The following RGS6 variants were observed in gnomAD, a reference collection of about 807,000 sequenced individuals.
The protein encoded by RGS6 is regulator of G-protein signaling 6.
RGS6 carries 30 observed loss-of-function variants against 78.5 expected under a neutral mutation model. The observed-to-expected ratio is 0.38, with a 90% CI of 0.29 to 0.52. The LOEUF is 0.52. Ranked by LOEUF, RGS6 falls within the 20% of genes least tolerant of loss-of-function variation. The pLI, the probability that RGS6 is intolerant of heterozygous loss-of-function variation, is 0.85. For missense variants in RGS6, 495 were observed against 609.7 expected, an observed-to-expected ratio of 0.81 and a Z score of 1.98; for synonymous variants, 206 against 206.0, an observed-to-expected ratio of 1.00 and a Z score of 0.00.
At chr14:72,173,123 A>T (rs1321799770) in intron 2 of RGS6, among the ~76,000 whole-genome samples, 2 of 152,136 alleles carry the variant, frequency 1.3e-5, no homozygotes, top group Non-Finnish European at 2.9e-5. Flanking sequence ...TGCCTGGAAC[A>T]TACTGGCAGA....
intron 3 of RGS6, among the ~76,000 whole-genome samples, chr14:72,402,790 G>GTTTTTTTTTTTTTTTTTTTTTTTTGT (rs2092571263): frequency 1.3e-5 from 1 of 75,792 alleles, no homozygotes; most frequent in Non-Finnish European, 2.3e-5. Context: ...TGTTTTTTTG[G>GTTTTTTTTTTTTTTTTTTTTTTTTGT]TTTTTTTTTT....
intron 2 of RGS6, among the ~76,000 whole-genome samples, chr14:72,233,662 G>C (rs2050244052): frequency 6.6e-6 from 1 of 152,168 alleles, no homozygotes; most frequent in Non-Finnish European, 1.5e-5. Context: ...TGGCAGGGCT[G>C]GTTCTATACA....
At chr14:72,092,241 G>A (rs916324138) in intron 2 of RGS6, among the ~76,000 whole-genome samples, 1 of 151,912 alleles carries the variant, frequency 6.6e-6, no homozygotes, top group Non-Finnish European at 1.5e-5. Context: ...GGCCAGTCTG[G>A]TCTCAACTCC....
intron 1 of RGS6, among the ~76,000 whole-genome samples, chr14:71,964,272 T>G (rs545895037): frequency 6.6e-6 from 1 of 152,218 alleles, no homozygotes. Context: ...TTTGGGAGGC[T>G]GAGGCTGGTG....
chr14:71,905,954 C>T, the RGS6 span, among the ~76,000 whole-genome samples: 23 of 152,114 alleles, frequency 1.5e-4, no homozygotes, highest in Admixed American at 1.2e-3. Flanking sequence ...TTGTGATACA[C>T]GAGGCCGAAG....
chr14:72,401,813 A>G (rs575851685), intron 3 of RGS6, among the ~76,000 whole-genome samples: 2 of 152,348 alleles, frequency 1.3e-5, no homozygotes, highest in South Asian at 2.1e-4. Context: ...AGTCTTGCCA[A>G]ACATCCTGAG....
In RGS6 at chr14:72,384,755, A is replaced by AT. The variant is rs754173630; in HGVS notation, c.184+32567dup. Among the ~76,000 whole-genome samples the AT allele has an allele frequency of 2.6e-5, 4 of 151,684 alleles. No individual in the cohort carries two copies. In the East Asian group the frequency reaches 5.8e-4, roughly 22 times the overall value. ...CGGTTTGCATATTTTTTTTATTTTTATTTTTTATTTTTTGAGACAGAGTCT... is the reference window on the plus strand; with the variant it reads ...CGGTTTGCATATTTTTTTTATTTTTATTTTTTTATTTTTTGAGACAGAGTCT... On this transcript the variant is annotated intron_variant, in intron 3 of 17. Transcript: ENST00000553525.
At chr14:72,022,700 G>A (rs1003342892) in intron 2 of RGS6, among the ~76,000 whole-genome samples, 6 of 34,382 alleles carry the variant, frequency 1.7e-4, no homozygotes, top group East Asian at 1.1e-3. Flanking sequence ...ACCCTGGTTC[G>A]CTCTTTCACT....
chr14:72,080,532 A>G (rs2094774908), intron 2 of RGS6, among the ~76,000 whole-genome samples: 1 of 152,046 alleles, frequency 6.6e-6, no homozygotes, highest in Admixed American at 6.6e-5. Context: ...ATGTAATCCC[A>G]CTTATCTATT....
At chr14:71,882,474 T>A in the RGS6 span, among the ~76,000 whole-genome samples, 1 of 152,186 alleles carries the variant, frequency 6.6e-6, no homozygotes, top group Non-Finnish European at 1.5e-5. Context: ...TTAAAATATG[T>A]GGTTCGTTAA....
At chr14:72,074,119 T>C (rs1189191762) in intron 2 of RGS6, among the ~76,000 whole-genome samples, 1 of 152,244 alleles carries the variant, frequency 6.6e-6, no homozygotes, top group African/African-American at 2.4e-5. Context: ...GAGGAATGAC[T>C]GACAGCTTGC....
chr14:72,333,401 C>T (rs968040862), intron 2 of RGS6, among the ~76,000 whole-genome samples: 1 of 152,144 alleles, frequency 6.6e-6, no homozygotes, highest in Non-Finnish European at 1.5e-5. Context: ...GGGGGACCTG[C>T]GTTGGTATCT....
chr14:72,061,037 G>A (rs757726186), intron 2 of RGS6, among the ~76,000 whole-genome samples: 11 of 152,184 alleles, frequency 7.2e-5, no homozygotes, highest in Non-Finnish European at 1.5e-4. Flanking sequence ...TATTCTGGCA[G>A]CATTGTAGGA....
the RGS6 span, among the ~76,000 whole-genome samples, chr14:72,615,191 G>C: frequency 6.6e-6 from 1 of 152,164 alleles, no homozygotes; most frequent in African/African-American, 2.4e-5. Context: ...ACCAGCCTGG[G>C]GGGCAGGGAT....
At chr14:72,302,590 C>G (rs897364639) in intron 2 of RGS6, among the ~76,000 whole-genome samples, 5 of 152,056 alleles carry the variant, frequency 3.3e-5, no homozygotes. Context: ...ATTTCAGAAC[C>G]TGCATCATTA....
At chr14:72,075,076 T>G (rs1416599459) in intron 2 of RGS6, among the ~76,000 whole-genome samples, 1 of 152,254 alleles carries the variant, frequency 6.6e-6, no homozygotes, top group Non-Finnish European at 1.5e-5. Flanking sequence ...TCTCTAAGCC[T>G]TTGCCTCCAT....
chr14:72,093,257 A>G (rs567145016), intron 2 of RGS6, among the ~76,000 whole-genome samples: 26 of 152,152 alleles, frequency 1.7e-4, no homozygotes, highest in African/African-American at 5.8e-4. Flanking sequence ...ATTTTATTTT[A>G]TCGAGACAGG....
intron 2 of RGS6, among the ~76,000 whole-genome samples, chr14:72,019,075 A>G (rs1429143515): frequency 6.6e-6 from 1 of 152,180 alleles, no homozygotes; most frequent in African/African-American, 2.4e-5. Context: ...CCTAACCATG[A>G]GCCAGGCAGC....
chr14:72,466,067 G>A (rs1416358856), intron 7 of RGS6, among the ~76,000 whole-genome samples: 1 of 152,032 alleles, frequency 6.6e-6, no homozygotes, highest in African/African-American at 2.4e-5. Context: ...CTTAAAAATA[G>A]GCTAATGACT....
Sources: allele counts gnomAD v4.1 joint callset (sites outside exome capture counted in the v4.1 genomes callset), GRCh38; gene constraint gnomAD v4.1.1; transcripts MANE v1.5; gene names NCBI Gene and HGNC (gene_info 2026-07-23, HGNC 2026-07-21).